Variants in COLEC10 observed in about 807,000 individuals in gnomAD.
COLEC10 encodes the protein collectin-10.
Under a neutral mutation model 28.4 loss-of-function variants are expected in COLEC10, and 22 were observed. The observed-to-expected ratio is 0.78, with a 90% CI of 0.55 to 1.11. The LOEUF (loss-of-function observed/expected upper bound fraction) is 1.11, where lower values mean the gene tolerates loss of function less well. COLEC10 is among the 50% of genes least tolerant of loss of function. The pLI is 0.00. For synonymous variants in COLEC10, 125 were observed against 116.1 expected (o/e 1.08, Z -0.49); for missense variants, 361 against 344.1 (o/e 1.05, Z -0.39).
the COLEC10 span, among the ~76,000 whole-genome samples, chr8:118,962,549 T>A: frequency 6.6e-6 from 1 of 152,338 alleles, no homozygotes; most frequent in African/African-American, 2.4e-5. Flanking sequence ...ACAATCAAGG[T>A]AATAGGCATA....
chr8:119,042,244 C>T (rs1036199535), intron 2 of COLEC10, among the ~76,000 whole-genome samples: 9 of 151,884 alleles, frequency 5.9e-5, no homozygotes, highest in African/African-American at 1.5e-4. Flanking sequence ...GTAATCTTCC[C>T]GTTTCGGCCT....
chr8:118,972,060 T>G, the COLEC10 span, among the ~76,000 whole-genome samples: 1 of 151,992 alleles, frequency 6.6e-6, no homozygotes, highest in Non-Finnish European at 1.5e-5. Context: ...TGTTTGCTGC[T>G]AACATCTATG....
intron 3 of COLEC10, among the ~76,000 whole-genome samples, chr8:119,100,233 T>C (rs1268158535): frequency 6.6e-6 from 1 of 152,128 alleles, no homozygotes; most frequent in African/African-American, 2.4e-5. Flanking sequence ...GGCTGGAATA[T>C]CAGCACTGCC....
At chr8:118,989,915 A>C in the COLEC10 span, among the ~76,000 whole-genome samples, 3 of 152,238 alleles carry the variant, frequency 2.0e-5, no homozygotes, top group South Asian at 6.2e-4. Context: ...GAAATGTTTC[A>C]GTGAGCATTT....
chr8:119,104,649 A>T (rs920439484), intron 5 of COLEC10, among the ~76,000 whole-genome samples: 2 of 152,170 alleles, frequency 1.3e-5, no homozygotes, highest in East Asian at 1.9e-4. Context: ...TAACTCAGCA[A>T]TATTTGCTGT....
chr8:118,981,816 CATTTAAG>C, the COLEC10 span, among the ~76,000 whole-genome samples: 1 of 152,036 alleles, frequency 6.6e-6, no homozygotes, highest in African/African-American at 2.4e-5. Flanking sequence ...GATAAGAAAA[CATTTAAG>C]ATTGATTAAA....
intron 2 of COLEC10, among the ~76,000 whole-genome samples, chr8:119,052,993 A>G (rs1364710306): frequency 6.6e-6 from 1 of 152,078 alleles, no homozygotes; most frequent in Non-Finnish European, 1.5e-5. Flanking sequence ...GTGGAGGAGG[A>G]AAGTCCTGAG....
intron 1 of COLEC10, among the ~76,000 whole-genome samples, chr8:119,082,747 T>C (rs1439933710): frequency 1.3e-5 from 2 of 152,336 alleles, no homozygotes; most frequent in South Asian, 4.1e-4. Flanking sequence ...CAGCCTGCCC[T>C]CATATAAGGA....
At chr8:118,978,616 A>G in the COLEC10 span, among the ~76,000 whole-genome samples, 1 of 151,998 alleles carries the variant, frequency 6.6e-6, no homozygotes, top group Non-Finnish European at 1.5e-5. Flanking sequence ...ACTGTAATTT[A>G]TTTATTGAAC....
At chr8:119,026,330 G>A (rs939892564) in intron 2 of COLEC10, among the ~76,000 whole-genome samples, 1 of 152,116 alleles carries the variant, frequency 6.6e-6, no homozygotes, top group Non-Finnish European at 1.5e-5. Context: ...AAGACCAGAG[G>A]ATTGCTTGAG....
intron 2 of COLEC10, among the ~76,000 whole-genome samples, chr8:119,028,154 T>G (rs547504249): frequency 2.8e-4 from 43 of 152,152 alleles, no homozygotes; most frequent in Non-Finnish European, 5.4e-4. Flanking sequence ...AGGAGCCTTG[T>G]CTTATACATC....
At chr8:119,074,422 CAAAAATT>C (rs2130240743) in intron 1 of COLEC10, among the ~76,000 whole-genome samples, 1 of 152,126 alleles carries the variant, frequency 6.6e-6, no homozygotes, top group East Asian at 1.9e-4. Flanking sequence ...TATGCACCCA[CAAAAATT>C]AAAAATTAAA....
chr8:119,062,734 C>T (rs1814881375), upstream of COLEC10, among the ~76,000 whole-genome samples: 1 of 152,136 alleles, frequency 6.6e-6, no homozygotes, highest in Non-Finnish European at 1.5e-5. Flanking sequence ...CCCACCTCGG[C>T]CTCCCAAAGT....
intron 2 of COLEC10, among the ~76,000 whole-genome samples, chr8:119,051,598 A>G (rs555044257): frequency 6.6e-6 from 1 of 152,338 alleles, no homozygotes; most frequent in Middle Eastern, 3.4e-3. Context: ...TTAACGCATG[A>G]ATGAATCAAT....
At chr8:118,962,496 T>G in the COLEC10 span, among the ~76,000 whole-genome samples, 3 of 152,224 alleles carry the variant, frequency 2.0e-5, no homozygotes, top group South Asian at 6.2e-4. Context: ...GCTGTTCAAT[T>G]TGATGACTTT....
chr8:119,018,455 C>T (rs28621599), intron 2 of COLEC10, among the ~76,000 whole-genome samples: 88,794 of 152,060 alleles, frequency 0.58, 26,630 homozygotes, highest in African/African-American at 0.72. Context: ...GAGATGCTTG[C>T]TTATTGAAAC....
At chr8:118,963,509 C>T in the COLEC10 span, among the ~76,000 whole-genome samples, 1 of 152,198 alleles carries the variant, frequency 6.6e-6, no homozygotes, top group Non-Finnish European at 1.5e-5. Flanking sequence ...TTTACTTTAG[C>T]ACTTGTCATC....
At chr8:119,049,355 C>T (rs553587862) in intron 2 of COLEC10, among the ~76,000 whole-genome samples, 1 of 146,900 alleles carries the variant, frequency 6.8e-6, no homozygotes, top group Non-Finnish European at 1.5e-5. Flanking sequence ...TCATAACATA[C>T]AGTAGGTTCA....
the COLEC10 span, among the ~76,000 whole-genome samples, chr8:118,984,672 C>A: frequency 6.6e-6 from 1 of 151,810 alleles, no homozygotes; most frequent in Non-Finnish European, 1.5e-5. Context: ...TGTCTATAAG[C>A]CAAGGAACAC....
Sources: allele counts gnomAD v4.1 joint callset (sites outside exome capture counted in the v4.1 genomes callset), GRCh38; gene constraint gnomAD v4.1.1; transcripts MANE v1.5; gene names NCBI Gene and HGNC (gene_info 2026-07-23, HGNC 2026-07-21).